The following ARHGAP39 variants were observed in gnomAD, a reference collection of about 807,000 sequenced individuals.
ARHGAP39 encodes the protein Rho GTPase activating protein 39, also known as rho GTPase-activating protein 39.
ARHGAP39 carries 44 observed loss-of-function variants against 106.9 expected under a neutral mutation model. The observed-to-expected ratio is 0.41, with a 90% confidence interval of 0.32 to 0.53. ARHGAP39 has a LOEUF of 0.53. ARHGAP39 is among the 20% of genes least tolerant of loss of function. The pLI is 0.21. For missense variants in ARHGAP39, 1,496 were observed against 1,577.3 expected (o/e 0.95, Z 0.87); for synonymous variants, 768 against 693.2 (o/e 1.11, Z -1.69).
In ARHGAP39 at chr8:144,591,222, C is replaced by A. The variant is rs1819380081; in HGVS notation, c.81-9945G>T. Among the ~76,000 whole-genome samples, 1 of 152,186 alleles carries A rather than the reference C, an allele frequency of 6.6e-6. No homozygotes were observed. The highest frequency in any genetic ancestry group is 1.9e-4 in the East Asian group (1 of 5,190). ...CTCTCCCCAGCCGGAGCCTGGACCC[C>A]AATGGACAGCTGCTCTGTGCTCCCG... On this transcript the variant is annotated intron_variant, in intron 2 of 11. Transcript: ENST00000377307. The surrounding 1 kb of genome is among the most constrained non-coding windows in gnomAD (Gnocchi z 5.3).
chr8:144,603,447 T>C (rs1249816002), intron 2 of ARHGAP39, among the ~76,000 whole-genome samples: 1 of 151,962 alleles, frequency 6.6e-6, no homozygotes. Flanking sequence ...TCCCAGCACT[T>C]TGGGAGGCCG....
At chr8:144,580,768 CCACCCCCT>C in intron 3 of ARHGAP39, 70 bp downstream of exon 3, 2 of 181,366 alleles carry the variant, frequency 1.1e-5, no homozygotes, top group Non-Finnish European at 2.1e-5. Context: ...GCCCCGCCCA[CCACCCCCT>C]ACCTGCCTCA....
chr8:144,688,930 A>G (rs1269817082), upstream of ARHGAP39, among the ~76,000 whole-genome samples: 1 of 152,214 alleles, frequency 6.6e-6, no homozygotes, highest in African/African-American at 2.4e-5. Context: ...AGCACGTCCA[A>G]TTGTGAAGGA....
At chr8:144,629,201 C>G (rs539422855) in intron 1 of ARHGAP39, among the ~76,000 whole-genome samples, 1 of 152,242 alleles carries the variant, frequency 6.6e-6, no homozygotes, top group Non-Finnish European at 1.5e-5. Flanking sequence ...TCTTCTGTAA[C>G]GGAAGGTTTT....
Position 144,678,164 on chromosome 8 carries a change from G to A in ARHGAP39, c.-82+7522C>T, listed in dbSNP as rs1390807654. 2.6e-5 allele frequency among the ~76,000 whole-genome samples: 4 copies of A among 151,998 alleles called. No homozygotes were observed. In the South Asian group the frequency reaches 6.2e-4, roughly 24 times the overall value. ...TCATGTCTACAATCCTGGCACTTTC[G>A]GAGGCCGAGGTGGGAGGATCACTTG... On this transcript the variant is annotated intron_variant, in intron 1 of 11. Coordinates refer to ENST00000377307, the MANE Select transcript of ARHGAP39 (RefSeq NM_025251.3).
intron 10 of ARHGAP39, among the ~76,000 whole-genome samples, chr8:144,531,992 G>A (rs1295914872): frequency 2.5e-4 from 22 of 89,612 alleles, no homozygotes; most frequent in Non-Finnish European, 4.0e-4. Flanking sequence ...AGACATAGCA[G>A]GCACGGCAGA....
chr8:144,580,920 A>G lies in ARHGAP39; in HGVS notation c.438T>C (p.Thr146=), dbSNP rs1476151703. ...TSSSLEPEPD[T]EKAQELPARA... ...TCGCTGGCAACTCCTGCGCTTTCTC[A>G]GTGTCGGGCTCGGGCTCCAGGGAGG... The change falls in exon 3 of 12, where the codon ACT becomes ACC. Residue 146 remains threonine (T), a synonymous_variant. Coordinates refer to ENST00000377307, the MANE Select transcript of ARHGAP39 (RefSeq NM_025251.3). 1.2e-6 allele frequency: 2 copies of G among 1,604,980 alleles called. No homozygotes were observed. Among genetic ancestry groups the G allele is most frequent in the Non-Finnish European group, 8.5e-7 (1 of 1,178,256 alleles).
At chr8:144,609,981 T>C (rs1820433648) in intron 1 of ARHGAP39, among the ~76,000 whole-genome samples, 1 of 152,232 alleles carries the variant, frequency 6.6e-6, no homozygotes, top group Non-Finnish European at 1.5e-5. Flanking sequence ...GGTTTTCAAT[T>C]ACACATTGAA....
intron 1 of ARHGAP39, among the ~76,000 whole-genome samples, chr8:144,614,992 C>T (rs117889339): frequency 0.026 from 3,982 of 152,340 alleles, 93 homozygotes; most frequent in Admixed American, 0.066. Flanking sequence ...TAAGAGGAAT[C>T]CTCAGCCCAT....
At chr8:144,615,418 TC>T (rs1318833120) in intron 1 of ARHGAP39, among the ~76,000 whole-genome samples, 2 of 151,768 alleles carry the variant, frequency 1.3e-5, no homozygotes, top group Non-Finnish European at 2.9e-5. Context: ...TATACTCAGC[TC>T]CCCGAGACAC....
chr8:144,535,699 G>A (rs1018000809), intron 7 of ARHGAP39, among the ~76,000 whole-genome samples: 2 of 152,232 alleles, frequency 1.3e-5, no homozygotes, highest in South Asian at 2.1e-4. Flanking sequence ...CCAGGCCCCT[G>A]GTGGGACAAA....
At position 144,647,258 on chromosome 8, in the gene ARHGAP39, C is replaced by T. The variant is rs1010188679; in HGVS notation, c.-82+38428G>A. 3.9e-5 allele frequency among the ~76,000 whole-genome samples: 6 copies of T among 152,236 alleles called. No homozygotes were observed. In the East Asian group the frequency reaches 9.7e-4, roughly 25 times the overall value. ...CTGGGATTACAGCCGTGAGCCACTG[C>T]GCCCGGCCTGCTCTGACCCTTCTTA... On this transcript the variant is annotated intron_variant, in intron 1 of 11. Coordinates refer to ENST00000377307, the MANE Select transcript of ARHGAP39 (RefSeq NM_025251.3). This position sits in a 1 kb window ranked among gnomAD's most constrained non-coding sequence, Gnocchi z 4.8.
At chr8:144,581,358 G>T in intron 2 of ARHGAP39, 81 bp from the exon 3 acceptor site, 1 of 1,388,120 alleles carries the variant, frequency 7.2e-7, no homozygotes, top group Non-Finnish European at 9.7e-7. Flanking sequence ...CCCGGCTCCA[G>T]CCCCAGCTGC....
intron 1 of ARHGAP39, among the ~76,000 whole-genome samples, chr8:144,682,025 T>C (rs184399824): frequency 5.2e-4 from 79 of 152,132 alleles, no homozygotes; most frequent in African/African-American, 1.9e-3. Context: ...TCCAAGCACT[T>C]TGGGAGGCCG....
At chr8:144,643,765 G>T (rs1821369739) in intron 1 of ARHGAP39, among the ~76,000 whole-genome samples, 1 of 152,082 alleles carries the variant, frequency 6.6e-6, no homozygotes, top group African/African-American at 2.4e-5. Flanking sequence ...CAAAGTACTG[G>T]GATTACATGC....
At chr8:144,596,690 C>T (rs1819634194) in intron 2 of ARHGAP39, among the ~76,000 whole-genome samples, 1 of 152,214 alleles carries the variant, frequency 6.6e-6, no homozygotes, top group South Asian at 2.1e-4. Context: ...ACCAGGTAAG[C>T]ATCCAGTGCT....
In ARHGAP39 at chr8:144,586,643, G is replaced by A. The variant is rs1371284304; in HGVS notation, c.81-5366C>T. 6.6e-6 allele frequency among the ~76,000 whole-genome samples: 1 copy of A among 152,200 alleles called. No individual in the cohort carries two copies. Among genetic ancestry groups the A allele is most frequent in the Non-Finnish European group, 1.5e-5 (1 of 68,024 alleles). On this transcript the variant is annotated intron_variant, in intron 2 of 11. Coordinates refer to ENST00000377307, the MANE Select transcript of ARHGAP39 (RefSeq NM_025251.3). The surrounding 1 kb of genome is among the most constrained non-coding windows in gnomAD (Gnocchi z 4.2). ...AATCTGGGGCAGTGGCCAGAAAACTGGCTGATGCAGGTACCACACCCACTT... is the reference window on the plus strand; with the variant it reads ...AATCTGGGGCAGTGGCCAGAAAACTAGCTGATGCAGGTACCACACCCACTT...
intron 2 of ARHGAP39, among the ~76,000 whole-genome samples, chr8:144,601,957 C>G (rs1420694309): frequency 1.6e-5 from 2 of 127,110 alleles, no homozygotes; most frequent in African/African-American, 6.2e-5. Flanking sequence ...GCTCGTGTAC[C>G]TGTGTTCATG....
At chr8:144,692,931 G>A in the ARHGAP39 span, among the ~76,000 whole-genome samples, 1 of 145,786 alleles carries the variant, frequency 6.9e-6, no homozygotes, top group African/African-American at 2.5e-5. Flanking sequence ...GGCTAATTTT[G>A]TATTTTTGGT....
Sources: allele counts gnomAD v4.1 joint callset (sites outside exome capture counted in the v4.1 genomes callset), GRCh38; gene constraint gnomAD v4.1.1; non-coding constraint Gnocchi (gnomAD v3.1); transcripts MANE v1.5; gene names NCBI Gene and HGNC (gene_info 2026-07-23, HGNC 2026-07-21).